The following FOCAD variants were observed in gnomAD, a reference collection of about 807,000 sequenced individuals.
The protein encoded by FOCAD is focadhesin.
FOCAD carries 198 observed loss-of-function variants against 225.6 expected under a neutral mutation model. The ratio of observed to expected loss-of-function variants is 0.88; its 90% CI spans 0.78 to 0.99. The LOEUF (loss-of-function observed/expected upper bound fraction) is 0.99, where lower values mean the gene tolerates loss of function less well. Ranked by LOEUF, FOCAD falls within the 50% of genes least tolerant of loss-of-function variation. The probability of loss-of-function intolerance (pLI) is 0.00; values close to 1 mark genes in which losing one functional copy is unlikely to be tolerated. For missense variants in FOCAD, 2,713 were observed against 2,123.6 expected, an observed-to-expected ratio of 1.28 and a Z score of -5.46; for synonymous variants, 897 against 755.0, an observed-to-expected ratio of 1.19 and a Z score of -3.08.
At chr9:20,757,101 G>C (rs758697567) in intron 5 of FOCAD, among the ~76,000 whole-genome samples, 1 of 152,068 alleles carries the variant, frequency 6.6e-6, no homozygotes, top group Non-Finnish European at 1.5e-5. Flanking sequence ...GGCTAATTTT[G>C]TATTTTTAGT....
intron 15 of FOCAD, among the ~76,000 whole-genome samples, chr9:20,846,887 A>T (rs1395244851): frequency 6.6e-6 from 1 of 152,092 alleles, no homozygotes; most frequent in Non-Finnish European, 1.5e-5. Flanking sequence ...TTTTATAAAC[A>T]TCTTCACAGT....
At chr9:20,741,255 A>G (rs548476612) in intron 5 of FOCAD, among the ~76,000 whole-genome samples, 3 of 152,158 alleles carry the variant, frequency 2.0e-5, no homozygotes, top group Admixed American at 2.0e-4. Context: ...CACAGGTATC[A>G]GAAGTGTGAG....
At chr9:20,765,594 A>T (rs775586967) in intron 7 of FOCAD, among the ~76,000 whole-genome samples, 6 of 152,188 alleles carry the variant, frequency 3.9e-5, no homozygotes, top group Non-Finnish European at 7.3e-5. Flanking sequence ...ACATGTAGTA[A>T]ATGAGTTAGG....
intron 35 of FOCAD, among the ~76,000 whole-genome samples, chr9:20,966,416 T>A (rs1307498326): frequency 6.6e-6 from 1 of 152,150 alleles, no homozygotes; most frequent in African/African-American, 2.4e-5. Context: ...TCTTTGTATA[T>A]TCTGGAAAAT....
intron 2 of FOCAD, among the ~76,000 whole-genome samples, chr9:20,671,877 T>A (rs1822073845): frequency 6.6e-6 from 1 of 152,192 alleles, no homozygotes; most frequent in Non-Finnish European, 1.5e-5. Flanking sequence ...TGAGAGCTAA[T>A]TGTGTACACC....
At chr9:20,781,013 G>A (rs188912030) in intron 9 of FOCAD, among the ~76,000 whole-genome samples, 358 of 152,232 alleles carry the variant, frequency 2.4e-3, no homozygotes, top group Non-Finnish European at 3.0e-3. Context: ...ATAATTTAAC[G>A]TTGAATCCCC....
chr9:20,799,540 G>A (rs1474046237), intron 11 of FOCAD, among the ~76,000 whole-genome samples: 2 of 152,112 alleles, frequency 1.3e-5, no homozygotes, highest in African/African-American at 4.8e-5. Flanking sequence ...CCTGTATTGG[G>A]TGCATATATA....
At chr9:20,950,480 C>CA (rs1837588334) in intron 33 of FOCAD, among the ~76,000 whole-genome samples, 1 of 151,906 alleles carries the variant, frequency 6.6e-6, no homozygotes, top group South Asian at 2.1e-4. Flanking sequence ...GAAATATTCT[C>CA]AAAAAATAAT....
chr9:20,817,937 G>A (rs1390010855), intron 11 of FOCAD, among the ~76,000 whole-genome samples: 1 of 152,094 alleles, frequency 6.6e-6, no homozygotes. Flanking sequence ...GTAATTCTAT[G>A]TTTACCTATT....
chr9:20,909,511 A>T (rs865885400), intron 22 of FOCAD, among the ~76,000 whole-genome samples: 27 of 152,146 alleles, frequency 1.8e-4, no homozygotes, highest in Admixed American at 7.2e-4. Flanking sequence ...CAGATTATTC[A>T]TAATTTTTAG....
chr9:20,833,310 A>G (rs951291357), intron 15 of FOCAD, among the ~76,000 whole-genome samples: 8 of 152,050 alleles, frequency 5.3e-5, no homozygotes, highest in African/African-American at 1.9e-4. Flanking sequence ...GAATGGTTTA[A>G]TGTTTATTAT....
intron 8 of FOCAD, among the ~76,000 whole-genome samples, chr9:20,773,890 C>T (rs972205812): frequency 1.3e-5 from 2 of 152,122 alleles, no homozygotes; most frequent in African/African-American, 4.8e-5. Flanking sequence ...TCCCCAATGC[C>T]TGGGCCACAG....
chr9:20,821,333 G>A (rs983357452), intron 14 of FOCAD, among the ~76,000 whole-genome samples: 1 of 151,942 alleles, frequency 6.6e-6, no homozygotes, highest in Non-Finnish European at 1.5e-5. Flanking sequence ...TAATATTGCA[G>A]TAAAACATGT....
intron 19 of FOCAD, among the ~76,000 whole-genome samples, chr9:20,880,455 C>T (rs947698756): frequency 6.6e-6 from 1 of 152,144 alleles, no homozygotes; most frequent in African/African-American, 2.4e-5. Context: ...CCTTTGATGT[C>T]CTGCCAGTGA....
chr9:20,958,859 C>T (rs1250900543), intron 35 of FOCAD, among the ~76,000 whole-genome samples: 1 of 152,132 alleles, frequency 6.6e-6, no homozygotes, highest in African/African-American at 2.4e-5. Flanking sequence ...CTGCCATGAC[C>T]AGCAGGACTT....
intron 5 of FOCAD, among the ~76,000 whole-genome samples, chr9:20,741,787 T>C (rs1416110265): frequency 6.6e-6 from 1 of 151,188 alleles, no homozygotes; most frequent in Non-Finnish European, 1.5e-5. Context: ...TGAGCACATT[T>C]TAATATTTCT....
rs780990924 is a variant in FOCAD, at chr9:20,907,155, T to C, written c.2631T>C (p.His877=). 107 of 1,612,608 alleles carry C rather than the reference T, an allele frequency of 6.6e-5. No individual in the cohort carries two copies. Among genetic ancestry groups the C allele is most frequent in the Non-Finnish European group, 8.2e-5 (97 of 1,179,116 alleles). ...GTGGTACATTTTTCCCATAGGTTCATATCCAGCTTTCAGAGTGGCACCGTG... is the reference window on the plus strand; with the variant it reads ...GTGGTACATTTTTCCCATAGGTTCACATCCAGCTTTCAGAGTGGCACCGTG... The part of the protein sequence containing the change: ...QTSLALVHEV[H]IQLSEWHRAI... Residue 877 remains histidine (H), a synonymous_variant, in exon 22 of 44, where the codon CAT becomes CAC. Coordinates refer to ENST00000338382, the MANE Select transcript of FOCAD (RefSeq NM_001375567.1).
intron 5 of FOCAD, among the ~76,000 whole-genome samples, chr9:20,751,288 C>T (rs1346246308): frequency 5.5e-5 from 8 of 145,678 alleles, no homozygotes; most frequent in Non-Finnish European, 1.2e-4. Context: ...TTAGGTATAT[C>T]TCCCAGTGCT....
chr9:20,942,149 C>T (rs1452225933), intron 28 of FOCAD, among the ~76,000 whole-genome samples: 1 of 152,102 alleles, frequency 6.6e-6, no homozygotes, highest in Non-Finnish European at 1.5e-5. Flanking sequence ...TATGTTACAC[C>T]AGTCACTTAA....
Sources: allele counts gnomAD v4.1 joint callset (sites outside exome capture counted in the v4.1 genomes callset), GRCh38; gene constraint gnomAD v4.1.1; transcripts MANE v1.5; gene names NCBI Gene and HGNC (gene_info 2026-07-23, HGNC 2026-07-21).